Variants in FSTL4 observed in about 807,000 individuals in gnomAD.
FSTL4 encodes the protein follistatin-related protein 4.
In FSTL4, 28 loss-of-function variants were observed where a neutral mutation model predicts 78.2. That is an observed-to-expected ratio of 0.36 (90% CI 0.27 to 0.49). FSTL4 has a LOEUF of 0.49. Ranked by LOEUF, FSTL4 falls within the 20% of genes least tolerant of loss-of-function variation. The pLI, the probability that FSTL4 is intolerant of heterozygous loss-of-function variation, is 0.98. For missense variants in FSTL4, 922 were observed against 1,084.9 expected (o/e 0.85, Z 2.11); for synonymous variants, 422 against 440.5 (o/e 0.96, Z 0.53).
At chr5:133,474,416 C>T (rs1275347399) in intron 3 of FSTL4, among the ~76,000 whole-genome samples, 1 of 152,182 alleles carries the variant, frequency 6.6e-6, no homozygotes, top group Non-Finnish European at 1.5e-5. Context: ...TCATCTGTAG[C>T]CCCCGTGAAG....
chr5:133,503,765 A>G (rs1383529638), intron 3 of FSTL4, among the ~76,000 whole-genome samples: 1 of 152,126 alleles, frequency 6.6e-6, no homozygotes, highest in African/African-American at 2.4e-5. Context: ...CTCCTCTCCC[A>G]TTGGCACATC....
chr5:133,408,899 T>G, intron 3 of FSTL4, among the ~76,000 whole-genome samples: 1 of 152,148 alleles, frequency 6.6e-6, no homozygotes. Flanking sequence ...GTTGAATAAA[T>G]AGGACTGGAA....
At chr5:133,453,887 A>G (rs1757431804) in intron 3 of FSTL4, among the ~76,000 whole-genome samples, 1 of 152,226 alleles carries the variant, frequency 6.6e-6, no homozygotes, top group South Asian at 2.1e-4. Context: ...CAGCATTTTT[A>G]TATTTCCTAA....
Position 133,232,612 on chromosome 5 carries a change from C to T in FSTL4, c.1015+805G>A, listed in dbSNP as rs937443839. 1.1e-4 allele frequency among the ~76,000 whole-genome samples: 17 copies of T among 152,158 alleles called. 1 individual carries two copies. Among genetic ancestry groups the T allele is most frequent in the African/African-American group, 2.7e-4 (11 of 41,422 alleles). ...TATATACATATTCTATTTCATCAGA[C>T]GAGGTTGAGGCAGCCAGCAGTGTGA... On this transcript the variant is annotated intron_variant, in intron 8 of 15. Coordinates refer to ENST00000265342, the MANE Select transcript of FSTL4 (RefSeq NM_015082.2).
chr5:133,493,816 T>C (rs1199668286), intron 3 of FSTL4, among the ~76,000 whole-genome samples: 1 of 152,208 alleles, frequency 6.6e-6, no homozygotes, highest in Admixed American at 6.5e-5. Flanking sequence ...TAATATTTTA[T>C]TTTCTATATG....
rs770796797 is a variant in FSTL4 at position 133,236,143 on chromosome 5, C to T, written c.895-2606G>A. 1.3e-5 allele frequency among the ~76,000 whole-genome samples: 2 copies of T among 151,728 alleles called. No individual in the cohort carries two copies. The highest frequency in any genetic ancestry group is 3.0e-5 in the Non-Finnish European group (2 of 67,786). On this transcript the variant is annotated intron_variant, in intron 7 of 15. Transcript: ENST00000265342. The surrounding 1 kb of genome is among the most constrained non-coding windows in gnomAD (Gnocchi z 5.0). ...TTTCCCTCCAAACTGCCTTCCTGAG[C>T]CTTCACATCCACAGCCCCTTCTCAT...
chr5:133,243,615 G>A (rs898751494), intron 7 of FSTL4: 3 of 152,290 alleles, frequency 2.0e-5, no homozygotes, highest in Non-Finnish European at 4.4e-5. Flanking sequence ...GGGCATGTAG[G>A]TGGCTGTAGG....
rs146216578 is a variant in FSTL4, at chr5:133,371,229, A to C, written c.409+29509T>G. Among the ~76,000 whole-genome samples the C allele has an allele frequency of 2.6e-5, 4 of 152,338 alleles. No homozygotes were observed. The East Asian group carries it at 7.7e-4, about 29-fold the overall frequency. On this transcript the variant is annotated intron_variant, in intron 4 of 15. Coordinates refer to ENST00000265342, the MANE Select transcript of FSTL4 (RefSeq NM_015082.2). ...TAATGGAATGAGCCACACAACCTAC[A>C]AAGGGTGTCCACTCCGAGACTCTGA...
At position 133,603,802 on chromosome 5, in the gene FSTL4, G is replaced by A. The variant is rs200410165; in HGVS notation, c.126+56C>T. The A allele has an allele frequency of 6.3e-4, 995 of 1,572,348 alleles. 2 individuals carry two copies. Among genetic ancestry groups the A allele is most frequent in the Admixed American group, 2.3e-3 (136 of 59,676 alleles). ...AAAGGTGGAGGGGAAATCAGATACT[G>A]TAACATCGGAAAGCAATCAGTTTGA... is the stretch of plus-strand genomic sequence containing the variant. On this transcript the variant is annotated intron_variant, in intron 2 of 15. Coordinates refer to ENST00000265342, the MANE Select transcript of FSTL4 (RefSeq NM_015082.2).
chr5:133,512,532 A>G (rs899131849), intron 3 of FSTL4, among the ~76,000 whole-genome samples: 2 of 152,238 alleles, frequency 1.3e-5, no homozygotes, highest in Non-Finnish European at 2.9e-5. Context: ...AATTTTACAC[A>G]TTAGACTTTT....
At chr5:133,399,713 G>A (rs1321899055) in intron 4 of FSTL4, among the ~76,000 whole-genome samples, 1 of 152,200 alleles carries the variant, frequency 6.6e-6, no homozygotes, top group Non-Finnish European at 1.5e-5. Flanking sequence ...TAGTGTTGCA[G>A]GCACTTGGCA....
At chr5:133,532,333 A>G (rs28588378) in intron 3 of FSTL4, among the ~76,000 whole-genome samples, 41,634 of 152,154 alleles carry the variant, frequency 0.27, 5,802 homozygotes, top group Admixed American at 0.34. Flanking sequence ...ATCTACAGTC[A>G]CCACAAAATG....
At chr5:133,368,658 C>T (rs1755226391) in intron 4 of FSTL4, among the ~76,000 whole-genome samples, 2 of 152,196 alleles carry the variant, frequency 1.3e-5, no homozygotes, top group Admixed American at 6.5e-5. Flanking sequence ...CAGTTGAGTT[C>T]CCTAGCACGG....
chr5:133,217,516 C>T (rs1486869029), intron 12 of FSTL4, 138 bp from the exon 13 acceptor site: 1 of 713,390 alleles, frequency 1.4e-6, no homozygotes, highest in South Asian at 2.0e-5. Flanking sequence ...AACAGGGCAC[C>T]CAAGCCCTCC....
In FSTL4 at chr5:133,199,109, C is replaced by A; in HGVS notation, c.2515G>T (p.Val839Leu). The change falls in exon 16 of 16, where the codon GTG becomes TTG. Residue 839 changes from valine to leucine, a missense_variant. Transcript: ENST00000265342. The surrounding 1 kb of genome is among the most constrained non-coding windows in gnomAD (Gnocchi z 4.4). The stretch of plus-strand genomic sequence containing the variant: ...CTCTGGGCCCTTCATACCTCACCCA[C>A]CCACACCACTGTGGTCCCCCCCTTT... ...GIKGGTTVVW[V>L]GEV The A allele has an allele frequency of 6.5e-7, 1 of 1,548,514 alleles. No individual in the cohort carries two copies.
chr5:133,599,332 C>G (rs560425893), intron 2 of FSTL4, among the ~76,000 whole-genome samples: 1 of 152,162 alleles, frequency 6.6e-6, no homozygotes, highest in Admixed American at 6.5e-5. Context: ...GGGGAAGGGG[C>G]CGGTCAGTCA....
At chr5:133,637,068 T>C in the FSTL4 span, among the ~76,000 whole-genome samples, 92 of 152,258 alleles carry the variant, frequency 6.0e-4, 1 homozygote, top group African/African-American at 2.1e-3. Context: ...GCAGCTGGAT[T>C]ATGGCAGGAG....
the FSTL4 span, among the ~76,000 whole-genome samples, chr5:133,778,429 T>C: frequency 9.0e-3 from 1,376 of 152,342 alleles, 9 homozygotes; most frequent in Non-Finnish European, 0.015. Flanking sequence ...AAACATAACT[T>C]AGAATGATTA....
chr5:133,681,172 C>A, the FSTL4 span, among the ~76,000 whole-genome samples: 1 of 152,268 alleles, frequency 6.6e-6, no homozygotes, highest in Non-Finnish European at 1.5e-5. Flanking sequence ...GGCTTGGCCT[C>A]CTGCTTCGTT....
Sources: allele counts gnomAD v4.1 joint callset (sites outside exome capture counted in the v4.1 genomes callset), GRCh38; gene constraint gnomAD v4.1.1; non-coding constraint Gnocchi (gnomAD v3.1); transcripts MANE v1.5; gene names NCBI Gene and HGNC (gene_info 2026-07-23, HGNC 2026-07-21).